Variants in TBX1 observed in about 807,000 individuals in gnomAD.
The protein encoded by TBX1 is T-box transcription factor 1.
TBX1 carries 16 observed loss-of-function variants against 40.8 expected under a neutral mutation model. The ratio of observed to expected loss-of-function variants is 0.39; its 90% CI spans 0.27 to 0.60. The LOEUF (loss-of-function observed/expected upper bound fraction) is 0.60, where lower values mean the gene tolerates loss of function less well. Ranked by LOEUF, TBX1 falls within the 20% of genes least tolerant of loss-of-function variation. The pLI is 0.51. For synonymous variants in TBX1, 403 were observed against 336.8 expected, an observed-to-expected ratio of 1.20 and a Z score of -2.15; for missense variants, 755 against 728.5, an observed-to-expected ratio of 1.04 and a Z score of -0.42.
chr22:19,782,899 C>T (rs543551367), downstream of TBX1: 4 of 1,614,116 alleles, frequency 2.5e-6, no homozygotes, highest in African/African-American at 5.3e-5. Flanking sequence ...TGTTTCCCCT[C>T]TCCTGGACTC....
At chr22:19,766,031 C>T (rs758025693) in intron 6 of TBX1, 29 bp downstream of exon 6, 5 of 1,470,794 alleles carry the variant, frequency 3.4e-6, no homozygotes, top group South Asian at 2.6e-5. Context: ...GATCCGGGTT[C>T]CGGCCCTGTG....
At chr22:19,771,217 C>T (rs1043969832), downstream of TBX1, among the ~76,000 whole-genome samples, 21 of 152,354 alleles carry the variant, frequency 1.4e-4, no homozygotes, top group Admixed American at 3.3e-4. Flanking sequence ...GGTGGGGGCA[C>T]GGCCCCCCAG....
chr22:19,763,068 C>T lies in TBX1; in HGVS notation c.438-173C>T, dbSNP rs530612906. 1.2e-4 allele frequency among the ~76,000 whole-genome samples: 18 copies of T among 152,304 alleles called. No individual in the cohort carries two copies. In the East Asian group the frequency reaches 3.3e-3, roughly 28 times the overall value. On this transcript the variant is annotated intron_variant, in intron 1 of 6. Coordinates refer to ENST00000649276, the MANE Select transcript of TBX1 (RefSeq NM_001379200.1). ...CGCCAAGCTCCCAGTTGAGTAGGGG[C>T]CTGCCCAGATTAGAGCAGCTAAGCC...
Position 19,766,965 on chromosome 22 carries a change from C to T in TBX1, c.*98C>T. On this transcript the variant is annotated 3_prime_UTR_variant, in exon 7 of 7. Transcript: ENST00000649276. ...AAGGGCAAGCAAGGAATACGTTCCC[C>T]CAGCCCCAGGGGCCACCGCGGCTCT... 5 of 1,498,920 alleles carry T rather than the reference C, an allele frequency of 3.3e-6. No homozygotes were observed. Among genetic ancestry groups the T allele is most frequent in the African/African-American group, 1.4e-5 (1 of 70,092 alleles). The allele number at this position is 1,498,920 out of a possible 1,614,324, so 92.9% of individuals were successfully genotyped here.
chr22:19,764,395 TAA>T (rs879765385), intron 3 of TBX1, 69 bp downstream of exon 3: 66 of 1,587,338 alleles, frequency 4.2e-5, no homozygotes, highest in Non-Finnish European at 5.2e-5. Context: ...CGCCTGTCCC[TAA>T]GAGGCCTGTA....
intron 2 of TBX1, 70 bp downstream of exon 2, chr22:19,763,412 A>C: frequency 2.8e-6 from 4 of 1,440,880 alleles, no homozygotes; most frequent in Non-Finnish European, 3.9e-6. Flanking sequence ...CCGCCTGGTG[A>C]CCCAACTCCA....
rs977478223 is a variant in TBX1 at position 19,774,379 on chromosome 22, C to T, written c.1010-4841C>T. On this transcript the variant is annotated intron_variant, in intron 8 of 8. Transcript: ENST00000329705. ...AGTGAGCTACGATCACACCACTCCACGCCAGCCTGAGTGACAGAGCAATAT... is the reference window on the plus strand; with the variant it reads ...AGTGAGCTACGATCACACCACTCCATGCCAGCCTGAGTGACAGAGCAATAT... Among the ~76,000 whole-genome samples the T allele has an allele frequency of 7.2e-5, 11 of 152,182 alleles. No individual in the cohort carries two copies. In the East Asian group the frequency reaches 9.6e-4, roughly 13 times the overall value.
Position 19,766,726 on chromosome 22 carries a change from C to T in TBX1, c.1374C>T (p.His458=), listed in dbSNP as rs747623105. The T allele has an allele frequency of 1.9e-6, 3 of 1,541,780 alleles. No individual in the cohort carries two copies. The highest frequency in any genetic ancestry group is 2.6e-5 in the East Asian group (1 of 38,234). The change falls in exon 7 of 7, where the codon CAC becomes CAT. Residue 458 remains histidine, a synonymous_variant. Coordinates refer to ENST00000649276, the MANE Select transcript of TBX1 (RefSeq NM_001379200.1). ...PGLRGHGYHP[H]AHPHHHHHPV... ...TGCGTGGCCACGGCTACCACCCGCA[C>T]GCGCATCCGCACCACCACCACCACC...
chr22:19,759,618 G>A (rs772051850), upstream of TBX1: 1 of 1,611,304 alleles, frequency 6.2e-7, no homozygotes. Context: ...GTGAAGCTTC[G>A]CTGGCTGCCA....
intron 8 of TBX1, among the ~76,000 whole-genome samples, chr22:19,773,288 G>A (rs1341835456): frequency 1.3e-5 from 2 of 152,202 alleles, no homozygotes; most frequent in Non-Finnish European, 2.9e-5. Context: ...GAGCTCTGGG[G>A]ACAAGAGCTG....
At chr22:19,768,434 G>A (rs943127110), downstream of TBX1, among the ~76,000 whole-genome samples, 1 of 152,220 alleles carries the variant, frequency 6.6e-6, no homozygotes, top group African/African-American at 2.4e-5. Context: ...GTGGGAGGGG[G>A]TCTCCAGGGG....
chr22:19,774,554 G>A (rs1937036809), intron 8 of TBX1, among the ~76,000 whole-genome samples: 2 of 152,112 alleles, frequency 1.3e-5, no homozygotes, highest in African/African-American at 4.8e-5. Context: ...ATAGCAAAAG[G>A]TGGAGGCGAG....
At chr22:19,773,182 A>C (rs1314515961) in intron 8 of TBX1, among the ~76,000 whole-genome samples, 3 of 152,214 alleles carry the variant, frequency 2.0e-5, no homozygotes, top group African/African-American at 7.2e-5. Context: ...GTCAAGTCTC[A>C]AGGGACTAAG....
chr22:19,768,953 C>CTTTTTTTTTTTTTTGTTT (rs1936939915), downstream of TBX1, among the ~76,000 whole-genome samples: 1 of 66,108 alleles, frequency 1.5e-5, no homozygotes, highest in African/African-American at 5.1e-5. Flanking sequence ...TGTTCGCATT[C>CTTTTTTTTTTTTTTGTTT]TTTTTTTTTT....
chr22:19,775,156 C>T (rs866158381), intron 8 of TBX1, among the ~76,000 whole-genome samples: 4 of 152,032 alleles, frequency 2.6e-5, no homozygotes, highest in Non-Finnish European at 4.4e-5. Context: ...TACAGTGGCG[C>T]GATCTTGGCT....
At position 19,766,500 on chromosome 22, in the gene TBX1, C is replaced by CCGGGGCCGG. The variant is rs1936850465; in HGVS notation, c.1152_1160dup (p.Ala388_Gly390dup). On this transcript the variant is annotated inframe_insertion, in exon 7 of 7. Transcript: ENST00000649276. ...GCCCGGGTGCTAAGCCCCTCGCTGCCCGGGGCCGGCGGCGCCGGCGGCTTA... is the reference window on the plus strand; with the variant it reads ...GCCCGGGTGCTAAGCCCCTCGCTGCCCGGGGCCGGCGGGGCCGGCGGCGCCGGCGGCTTA... 1 of 1,312,334 alleles carries CCGGGGCCGG rather than the reference C, an allele frequency of 7.6e-7. No homozygotes were observed. Among genetic ancestry groups the CCGGGGCCGG allele is most frequent in the Non-Finnish European group, 9.7e-7 (1 of 1,033,550 alleles). The allele number at this position is 1,312,334 out of a possible 1,614,324, so 81.3% of individuals were successfully genotyped here. A position where few individuals can be genotyped will look rare whatever the true frequency, so the allele number is the denominator to read the frequency against.
At chr22:19,763,821 G>T in intron 2 of TBX1, 1 of 494,448 alleles carries the variant, frequency 2.0e-6, no homozygotes, top group East Asian at 3.6e-5. Flanking sequence ...CTGTGCCTGA[G>T]GCCCGGCAAG....
chr22:19,767,149 C>T lies in TBX1; in HGVS notation c.*282C>T. The T allele has an allele frequency of 1.6e-6, 2 of 1,240,622 alleles. No homozygotes were observed. The highest frequency in any genetic ancestry group is 2.0e-6 in the Non-Finnish European group (2 of 992,112). 76.9% of individuals were successfully genotyped at this position (1,240,622 alleles called of 1,614,324 possible). On this transcript the variant is annotated 3_prime_UTR_variant, in exon 7 of 7. Coordinates refer to ENST00000649276, the MANE Select transcript of TBX1 (RefSeq NM_001379200.1). Reference sequence around the variant, plus strand: ...GCCCGCCAGTGCCAAAGCGCCCGGTCGGAGGCGGAAGGAAGTGATATTTAT... The same window carrying T: ...GCCCGCCAGTGCCAAAGCGCCCGGTTGGAGGCGGAAGGAAGTGATATTTAT...
At chr22:19,763,850 C>T in intron 2 of TBX1, 1 of 525,904 alleles carries the variant, frequency 1.9e-6, no homozygotes, top group Non-Finnish European at 3.4e-6. Context: ...TGGGCTCCCA[C>T]CGCAGCGGCA....
Sources: allele counts gnomAD v4.1 joint callset (sites outside exome capture counted in the v4.1 genomes callset), GRCh38; gene constraint gnomAD v4.1.1; transcripts MANE v1.5; gene names NCBI Gene and HGNC (gene_info 2026-07-23, HGNC 2026-07-21).